ITPR2: variants seen among roughly 807,000 people sequenced by gnomAD.
The protein encoded by ITPR2 is inositol 1,4,5-trisphosphate-gated calcium channel ITPR2.
A neutral mutation model predicts 317.1 loss-of-function variants in ITPR2; 207 were observed. That is an observed-to-expected ratio of 0.65 (90% CI 0.58 to 0.73). The LOEUF is 0.73. Among genes scored for constraint, ITPR2 ranks in the 30% least tolerant of loss-of-function variants. ITPR2 has a pLI of 0.00. For synonymous variants in ITPR2, 1,156 were observed against 1,149.1 expected (o/e 1.01, Z -0.12); for missense variants, 2,613 against 3,284.0 (o/e 0.80, Z 4.99).
chr12:26,708,590 C>A (rs1948596218), intron 9 of ITPR2, among the ~76,000 whole-genome samples: 2 of 151,964 alleles, frequency 1.3e-5, no homozygotes, highest in Non-Finnish European at 2.9e-5. Context: ...AGGATAGTTA[C>A]CAGAGGCTAG....
intron 49 of ITPR2, among the ~76,000 whole-genome samples, chr12:26,423,984 G>A (rs560575305): frequency 6.6e-6 from 1 of 152,296 alleles, no homozygotes; most frequent in African/African-American, 2.4e-5. Context: ...GGTTGAGGCT[G>A]TTCCTCCCAC....
At chr12:26,467,767 T>C (rs1003390838) in intron 45 of ITPR2, among the ~76,000 whole-genome samples, 2 of 152,182 alleles carry the variant, frequency 1.3e-5, no homozygotes, top group Non-Finnish European at 2.9e-5. Flanking sequence ...ATCCATTTCC[T>C]AGATTGCATT....
chr12:26,372,663 G>C (rs905729999), intron 55 of ITPR2, among the ~76,000 whole-genome samples: 1 of 152,126 alleles, frequency 6.6e-6, no homozygotes, highest in Non-Finnish European at 1.5e-5. Context: ...AGAAAATAAA[G>C]TGAGGCAACT....
At chr12:26,423,135 C>G (rs1057403213) in intron 49 of ITPR2, among the ~76,000 whole-genome samples, 3 of 152,102 alleles carry the variant, frequency 2.0e-5, no homozygotes, top group African/African-American at 7.2e-5. Flanking sequence ...TTTTCTGTTT[C>G]TGCAACTAGA....
rs756957115 is a variant in ITPR2 at position 26,580,037 on chromosome 12, G to A, written c.4499C>T (p.Thr1500Ile). 6.2e-7 allele frequency: 1 copy of A among 1,611,714 alleles called. No homozygotes were observed. Among genetic ancestry groups the A allele is most frequent in the South Asian group, 1.1e-5 (1 of 90,808 alleles). The change falls in exon 33 of 57, where the codon ACC becomes ATC. Residue 1500 changes from threonine (T) to isoleucine (I), a missense_variant. Coordinates refer to ENST00000381340, the MANE Select transcript of ITPR2 (RefSeq NM_002223.4). The stretch of plus-strand genomic sequence containing the variant: ...AATTGTTTAACTTACCTGGAGGCTG[G>A]TACTATTGTCTGAAAAGGGAGAATT... ...FFNSPFSDNSTSLQTHQPVFI... is the reference protein window; with the variant it reads ...FFNSPFSDNSISLQTHQPVFI...
At chr12:26,594,459 A>G (rs965150228) in intron 32 of ITPR2, among the ~76,000 whole-genome samples, 69 of 152,124 alleles carry the variant, frequency 4.5e-4, no homozygotes, top group African/African-American at 1.6e-3. Context: ...GAGCTAACAG[A>G]TAACAGCATC....
At chr12:26,677,387 C>G (rs1382282123) in intron 13 of ITPR2, among the ~76,000 whole-genome samples, 4 of 152,066 alleles carry the variant, frequency 2.6e-5, no homozygotes, top group Non-Finnish European at 5.9e-5. Flanking sequence ...ATTGCTTAAG[C>G]TCAGGAGTTT....
intron 29 of ITPR2, 100 bp from the exon 30 acceptor site, chr12:26,599,445 T>A (rs953144174): frequency 4.5e-5 from 47 of 1,045,966 alleles, no homozygotes; most frequent in Middle Eastern, 2.1e-4. Flanking sequence ...TTTTATATTT[T>A]ATACGAAGCC....
intron 37 of ITPR2, among the ~76,000 whole-genome samples, chr12:26,543,613 A>C (rs1944317495): frequency 6.6e-6 from 1 of 152,108 alleles, no homozygotes; most frequent in Non-Finnish European, 1.5e-5. Flanking sequence ...GTTTCTACTA[A>C]AAATACAAAA....
chr12:26,536,672 G>A (rs1189982442), intron 37 of ITPR2, among the ~76,000 whole-genome samples: 3 of 152,378 alleles, frequency 2.0e-5, no homozygotes, highest in African/African-American at 7.2e-5. Flanking sequence ...GACTCTGGAA[G>A]AGAGATGGTC....
At chr12:26,453,031 T>C (rs1941777114) in intron 45 of ITPR2, among the ~76,000 whole-genome samples, 1 of 152,132 alleles carries the variant, frequency 6.6e-6, no homozygotes, top group African/African-American at 2.4e-5. Context: ...TGAAAAGAGA[T>C]AAAAAATTAT....
intron 37 of ITPR2, among the ~76,000 whole-genome samples, chr12:26,547,330 T>C (rs1396882715): frequency 6.6e-6 from 1 of 152,120 alleles, no homozygotes; most frequent in Non-Finnish European, 1.5e-5. Context: ...ATCAGAGCAA[T>C]GCAACTCAAA....
At chr12:26,412,037 T>C (rs758122367) in intron 51 of ITPR2, among the ~76,000 whole-genome samples, 2 of 152,198 alleles carry the variant, frequency 1.3e-5, no homozygotes, top group Non-Finnish European at 2.9e-5. Flanking sequence ...GAAACAACGT[T>C]TTATTTTTTT....
chr12:26,696,507 C>T (rs146758432), intron 9 of ITPR2, among the ~76,000 whole-genome samples: 3 of 152,064 alleles, frequency 2.0e-5, no homozygotes, highest in African/African-American at 4.8e-5. Flanking sequence ...CTGAGAATTG[C>T]CCCTTCCAAC....
chr12:26,375,583 T>C (rs998965202), intron 55 of ITPR2, among the ~76,000 whole-genome samples: 1 of 152,226 alleles, frequency 6.6e-6, no homozygotes, highest in Non-Finnish European at 1.5e-5. Flanking sequence ...AGTAGTAGAC[T>C]TTTGACATTA....
chr12:26,543,633 G>A (rs1406996605), intron 37 of ITPR2, among the ~76,000 whole-genome samples: 1 of 152,068 alleles, frequency 6.6e-6, no homozygotes, highest in Admixed American at 6.5e-5. Context: ...AATTAGCTGG[G>A]TGGCAGGTGC....
chr12:26,811,143 T>C (rs1402226305), intron 1 of ITPR2, among the ~76,000 whole-genome samples: 1 of 152,018 alleles, frequency 6.6e-6, no homozygotes, highest in Non-Finnish European at 1.5e-5. Flanking sequence ...AGTTTTAAAA[T>C]GACTGCCTAA....
intron 2 of ITPR2, among the ~76,000 whole-genome samples, chr12:26,754,760 T>C (rs1016003182): frequency 1.5e-4 from 23 of 152,212 alleles, no homozygotes; most frequent in Admixed American, 2.0e-4. Flanking sequence ...TATTCAGTTT[T>C]TCTGTAAATT....
At chr12:26,462,600 C>G (rs1315716855) in intron 45 of ITPR2, among the ~76,000 whole-genome samples, 1 of 151,862 alleles carries the variant, frequency 6.6e-6, no homozygotes, top group East Asian at 1.9e-4. Flanking sequence ...TCTGTCCTGA[C>G]ATTCTGTCCT....
Sources: allele counts gnomAD v4.1 joint callset (sites outside exome capture counted in the v4.1 genomes callset), GRCh38; gene constraint gnomAD v4.1.1; transcripts MANE v1.5; gene names NCBI Gene and HGNC (gene_info 2026-07-23, HGNC 2026-07-21).